RAB3GAP1: variants seen among roughly 807,000 people sequenced by gnomAD.
RAB3GAP1 encodes rab3 GTPase-activating protein catalytic subunit.
RAB3GAP1 carries 86 observed loss-of-function variants against 130.7 expected under a neutral mutation model. That is an observed-to-expected ratio of 0.66 (90% CI 0.55 to 0.79). RAB3GAP1 has a LOEUF of 0.79. RAB3GAP1 is among the 30% of genes least tolerant of loss of function. The pLI, the probability that RAB3GAP1 is intolerant of heterozygous loss-of-function variation, is 0.00. For synonymous variants in RAB3GAP1, 367 were observed against 401.7 expected, an observed-to-expected ratio of 0.91 and a Z score of 1.03; for missense variants, 1,029 against 1,169.4, an observed-to-expected ratio of 0.88 and a Z score of 1.75.
At chr2:135,130,906 T>C (rs1435270905) in intron 13 of RAB3GAP1, among the ~76,000 whole-genome samples, 185 bp downstream of exon 13, 1 of 152,224 alleles carries the variant, frequency 6.6e-6, no homozygotes, top group Non-Finnish European at 1.5e-5. Context: ...GATACCATGT[T>C]GCATGTGAGA....
chr2:135,111,640 A>G (rs981322935), intron 5 of RAB3GAP1, among the ~76,000 whole-genome samples: 3 of 152,208 alleles, frequency 2.0e-5, no homozygotes, highest in Non-Finnish European at 2.9e-5. Flanking sequence ...AAGTTTCTTC[A>G]TCTGCAGACT....
chr2:135,105,947 T>G (rs1374578076), intron 5 of RAB3GAP1, among the ~76,000 whole-genome samples: 1 of 148,646 alleles, frequency 6.7e-6, no homozygotes, highest in Non-Finnish European at 1.5e-5. Context: ...GAGGAGCCCC[T>G]CCGCTCGGCA....
At chr2:135,082,343 A>G (rs1026245193) in intron 3 of RAB3GAP1, among the ~76,000 whole-genome samples, 2 of 151,308 alleles carry the variant, frequency 1.3e-5, no homozygotes, top group African/African-American at 4.9e-5. Context: ...GTCACTTACC[A>G]TTTTCCCCTA....
chr2:135,090,197 A>AGATTT (rs1690105015), intron 3 of RAB3GAP1, among the ~76,000 whole-genome samples: 1 of 152,258 alleles, frequency 6.6e-6, no homozygotes, highest in African/African-American at 2.4e-5. Flanking sequence ...ACTTAAAATA[A>AGATTT]GATTTAATTT....
chr2:135,082,161 G>GAATGAATGAATAAATAAATA (rs138937070), intron 3 of RAB3GAP1, among the ~76,000 whole-genome samples: 2 of 150,250 alleles, frequency 1.3e-5, no homozygotes, highest in African/African-American at 5.0e-5. Flanking sequence ...ATGAATGAAT[G>GAATGAATGAATAAATAAATA]AATAAATAAA....
chr2:135,154,421 C>T (rs1010985487), intron 19 of RAB3GAP1, among the ~76,000 whole-genome samples: 1 of 152,150 alleles, frequency 6.6e-6, no homozygotes, highest in Admixed American at 6.6e-5. Context: ...TCCTCCACCC[C>T]CCCAAGAAAA....
At chr2:135,128,816 G>A (rs1691431823) in intron 11 of RAB3GAP1, among the ~76,000 whole-genome samples, 1 of 152,156 alleles carries the variant, frequency 6.6e-6, no homozygotes, top group Non-Finnish European at 1.5e-5. Context: ...TGTAAACATT[G>A]TAGCTGTTCA....
intron 3 of RAB3GAP1, among the ~76,000 whole-genome samples, chr2:135,060,914 G>GGCC (rs1689151423): frequency 1.3e-5 from 2 of 151,332 alleles, no homozygotes; most frequent in Non-Finnish European, 1.5e-5. Flanking sequence ...ACGTTGGCCA[G>GGCC]GCTGGTCTCC....
At chr2:135,143,826 G>A (rs541638867) in intron 17 of RAB3GAP1, among the ~76,000 whole-genome samples, 4 of 151,416 alleles carry the variant, frequency 2.6e-5, no homozygotes, top group Non-Finnish European at 4.4e-5. Context: ...TGGGATTACA[G>A]GCGTGAGCCA....
chr2:135,135,292 G>A lies in RAB3GAP1; in HGVS notation c.1527G>A (p.Arg509=), dbSNP rs779310427. ...PGLASGPPDL[R]CCLLHQKLQM... ...TAGCAAGTGGACCCCCAGATCTGAGGTGTTGTTTACTGCATCAGAAACTAC... is the reference window on the plus strand; with the variant it reads ...TAGCAAGTGGACCCCCAGATCTGAGATGTTGTTTACTGCATCAGAAACTAC... The change falls in exon 16 of 24, where the codon AGG becomes AGA. Residue 509 remains arginine, a synonymous_variant. Transcript: ENST00000264158. 6.2e-6 allele frequency: 10 copies of A among 1,611,068 alleles called. No individual in the cohort carries two copies. In the Admixed American group the frequency reaches 1.5e-4, roughly 24 times the overall value.
chr2:135,070,956 A>C (rs895770325), intron 3 of RAB3GAP1, among the ~76,000 whole-genome samples: 1 of 152,234 alleles, frequency 6.6e-6, no homozygotes, highest in African/African-American at 2.4e-5. Context: ...GCTAACGTTT[A>C]AAAATATTTT....
rs535171518 is a variant in RAB3GAP1 at position 135,061,867 on chromosome 2, G to A, written c.150+3781G>A. Among the ~76,000 whole-genome samples the A allele has an allele frequency of 3.3e-5, 5 of 151,904 alleles. No individual in the cohort carries two copies. In the East Asian group the frequency reaches 9.7e-4, roughly 29 times the overall value. On this transcript the variant is annotated intron_variant, in intron 3 of 23. Coordinates refer to ENST00000264158, the MANE Select transcript of RAB3GAP1 (RefSeq NM_012233.3). ...CAAGTTTCTTCTTCCTTTTTTTTGT[G>A]TATGGATATCCTGTTGTTCTAGAAC...
intron 15 of RAB3GAP1, among the ~76,000 whole-genome samples, chr2:135,134,921 T>C (rs945131424): frequency 2.0e-5 from 3 of 152,180 alleles, no homozygotes; most frequent in Middle Eastern, 3.2e-3. Flanking sequence ...ACTGATTTAT[T>C]TTGTATGGTG....
chr2:135,078,930 C>T (rs1001369900), intron 3 of RAB3GAP1, among the ~76,000 whole-genome samples: 5 of 152,052 alleles, frequency 3.3e-5, no homozygotes, highest in African/African-American at 4.8e-5. Context: ...TGCAGTGGCA[C>T]GATCTTGGCT....
At chr2:135,054,853 T>C (rs1044393272) in intron 2 of RAB3GAP1, among the ~76,000 whole-genome samples, 1 of 152,240 alleles carries the variant, frequency 6.6e-6, no homozygotes, top group African/African-American at 2.4e-5. Flanking sequence ...CATTTTACAA[T>C]TCATGAGAGA....
At chr2:135,121,220 A>T (rs1198679205) in intron 8 of RAB3GAP1, among the ~76,000 whole-genome samples, 1 of 152,202 alleles carries the variant, frequency 6.6e-6, no homozygotes, top group Admixed American at 6.5e-5. Context: ...CGAATGATTA[A>T]CATGTCTGTT....
chr2:135,158,227 C>T (rs1482536492), intron 19 of RAB3GAP1, among the ~76,000 whole-genome samples: 1 of 152,126 alleles, frequency 6.6e-6, no homozygotes, highest in East Asian at 1.9e-4. Flanking sequence ...AGTGAGCACA[C>T]ATAGCTTGAT....
At chr2:135,159,837 A>G (rs1490182552) in intron 19 of RAB3GAP1, among the ~76,000 whole-genome samples, 1 of 152,272 alleles carries the variant, frequency 6.6e-6, no homozygotes, top group African/African-American at 2.4e-5. Flanking sequence ...GTGTTACAAC[A>G]TGGGTGAATC....
chr2:135,066,888 TC>T (rs1317207576), intron 3 of RAB3GAP1, among the ~76,000 whole-genome samples: 4 of 152,226 alleles, frequency 2.6e-5, no homozygotes, highest in Non-Finnish European at 5.9e-5. Flanking sequence ...AGTGACTGAC[TC>T]GTATCTCCCT....
Sources: gnomAD v4.1 joint callset for allele counts (sites outside exome capture counted in the v4.1 genomes callset) on GRCh38, gnomAD v4.1.1 for gene constraint, MANE v1.5 for transcripts, NCBI Gene and HGNC (gene_info 2026-07-23, HGNC 2026-07-21) for gene names.